The following CCR9 variants were observed in gnomAD, a reference collection of about 807,000 sequenced individuals.
CCR9 encodes C-C motif chemokine receptor 9, also known as C-C chemokine receptor type 9.
A neutral mutation model predicts 8.7 loss-of-function variants in CCR9; 4 were observed. The ratio of observed to expected loss-of-function variants is 0.46; its 90% confidence interval spans 0.23 to 1.06. The LOEUF (loss-of-function observed/expected upper bound fraction) is 1.06. CCR9 is among the 50% of genes least tolerant of loss of function. The pLI, the probability that CCR9 is intolerant of heterozygous loss-of-function variation, is 0.21. For synonymous variants in CCR9, 159 were observed against 168.8 expected, an observed-to-expected ratio of 0.94 and a Z score of 0.45; for missense variants, 394 against 453.6, an observed-to-expected ratio of 0.87 and a Z score of 1.19.
At chr3:45,891,912 T>C (rs1702190947) in intron 1 of CCR9, among the ~76,000 whole-genome samples, 1 of 152,200 alleles carries the variant, frequency 6.6e-6, no homozygotes, top group African/African-American at 2.4e-5. Flanking sequence ...GGAATAAAGA[T>C]GATGTGTCTT....
At chr3:45,887,369 C>T (rs1201484683) in intron 1 of CCR9, among the ~76,000 whole-genome samples, 1 of 151,976 alleles carries the variant, frequency 6.6e-6, no homozygotes, top group African/African-American at 2.4e-5. Flanking sequence ...TTTTTATTTT[C>T]TATATTATGT....
intron 1 of CCR9, among the ~76,000 whole-genome samples, chr3:45,887,251 C>G (rs955220123): frequency 2.1e-3 from 320 of 149,220 alleles, no homozygotes; most frequent in African/African-American, 6.9e-3. Flanking sequence ...GCGTGTGTGT[C>G]TGTGTGTGTG....
intron 2 of CCR9, 112 bp downstream of exon 2, chr3:45,895,066 G>T: frequency 1.7e-6 from 2 of 1,172,102 alleles, no homozygotes; most frequent in South Asian, 1.2e-5. Flanking sequence ...TGGTTTCCCA[G>T]GGTAAGATCT....
chr3:45,886,648 C>T lies in CCR9; in HGVS notation c.-36C>T, dbSNP rs200005452. The T allele has an allele frequency of 1.3e-5, 2 of 152,342 alleles. No homozygotes were observed. The highest frequency in any genetic ancestry group is 2.9e-5 in the Non-Finnish European group (2 of 68,194). The allele number at this position is 152,342 out of a possible 1,614,324, so 9.4% of individuals were successfully genotyped here. On this transcript the variant is annotated 5_prime_UTR_variant, in exon 1 of 3. Transcript: ENST00000357632. The stretch of plus-strand genomic sequence containing the variant: ...GCTGTCCCAGGGAGAGTTGCATCGC[C>T]CTCCACAGTGAGTATTGCTCTTCTT...
At chr3:45,886,824 T>C (rs1469863837) in intron 1 of CCR9, among the ~76,000 whole-genome samples, 169 bp downstream of exon 1, 1 of 152,204 alleles carries the variant, frequency 6.6e-6, no homozygotes, top group East Asian at 1.9e-4. Flanking sequence ...GAATTGGTGA[T>C]GCCCAACCCA....
intron 1 of CCR9, among the ~76,000 whole-genome samples, chr3:45,887,334 A>T (rs965741342): frequency 2.0e-5 from 3 of 152,144 alleles, no homozygotes; most frequent in African/African-American, 7.2e-5. Flanking sequence ...AACAATGGCT[A>T]AACTAGGAAA....
chr3:45,900,931 G>A lies in CCR9; in HGVS notation c.143G>A (p.Ser48Asn), dbSNP rs754006537. Residue 48 changes from serine to asparagine, a missense_variant, in exon 3 of 3, where the codon AGC (serine) becomes AAC (asparagine). By Grantham distance (46) the Ser-to-Asn change is conservative. Coordinates refer to ENST00000357632, the MANE Select transcript of CCR9 (RefSeq NM_031200.3). This position sits in a 1 kb window ranked among gnomAD's most constrained non-coding sequence, Gnocchi z 4.7. ...CEKNNVRQFA[S>N]HFLPPLYWLV... is the part of the protein sequence containing the mutation. ...AAAAACAATGTCAGGCAGTTTGCGA[G>A]CCATTTCCTCCCACCCTTGTACTGG... is the stretch of plus-strand genomic sequence containing the variant. 2 of 1,614,226 alleles carry A rather than the reference G, an allele frequency of 1.2e-6. No homozygotes were observed. Among genetic ancestry groups the A allele is most frequent in the South Asian group, 2.2e-5 (2 of 91,084 alleles).
rs200417769 is a variant in CCR9, at chr3:45,901,761, C to T, written c.973C>T (p.Arg325Cys). 81 of 1,614,016 alleles carry T rather than the reference C, an allele frequency of 5.0e-5. No individual in the cohort carries two copies. The highest frequency in any genetic ancestry group is 1.6e-4 in the Middle Eastern group (1 of 6,084). ...VLYVFVGERF[R>C]RDLVKTLKNL... ...CTATGTTTTTGTGGGTGAGAGATTC[C>T]GCCGGGATCTCGTGAAAACCCTGAA... Residue 325 changes from arginine to cysteine, a missense_variant, in exon 3 of 3, where the codon CGC becomes TGC. Transcript: ENST00000357632. The surrounding 1 kb of genome is among the most constrained non-coding windows in gnomAD (Gnocchi z 4.3).
At position 45,901,003 on chromosome 3, in the gene CCR9, T is replaced by C. The variant is rs1702535257; in HGVS notation, c.215T>C (p.Val72Ala). 1 of 1,614,104 alleles carries C rather than the reference T, an allele frequency of 6.2e-7. No individual in the cohort carries two copies. Among genetic ancestry groups the C allele is most frequent in the African/African-American group, 1.3e-5 (1 of 74,940 alleles). Residue 72 changes from valine (V) to alanine (A), a missense_variant, in exon 3 of 3, where the codon GTC becomes GCC. Transcript: ENST00000357632. This position sits in a 1 kb window ranked among gnomAD's most constrained non-coding sequence, Gnocchi z 4.3. ...GALGNSLVIL[V>A]YWYCTRVKTM... The stretch of plus-strand genomic sequence containing the variant: ...TTGGGCAACAGTCTTGTTATCCTTG[T>C]CTACTGGTACTGCACAAGAGTGAAG...
intron 2 of CCR9, among the ~76,000 whole-genome samples, chr3:45,895,444 C>T (rs1237357655): frequency 1.3e-5 from 2 of 152,230 alleles, no homozygotes; most frequent in Non-Finnish European, 2.9e-5. Flanking sequence ...GGCGTGGTAG[C>T]TCACGCCTGT....
intron 2 of CCR9, among the ~76,000 whole-genome samples, chr3:45,896,494 T>G (rs1702360662): frequency 6.6e-6 from 1 of 152,162 alleles, no homozygotes; most frequent in South Asian, 2.1e-4. Context: ...TGCCCCACAT[T>G]CCCTCAGCGT....
At chr3:45,895,319 G>A (rs1702317903) in intron 2 of CCR9, among the ~76,000 whole-genome samples, 1 of 152,210 alleles carries the variant, frequency 6.6e-6, no homozygotes, top group Admixed American at 6.5e-5. Flanking sequence ...AACCCATGGT[G>A]GGCACATTAG....
At chr3:45,887,855 C>A (rs1702029950) in intron 1 of CCR9, among the ~76,000 whole-genome samples, 1 of 152,184 alleles carries the variant, frequency 6.6e-6, no homozygotes, top group South Asian at 2.1e-4. Context: ...AGAGACCCTG[C>A]CTCGTGTAGG....
Position 45,901,221 on chromosome 3 carries a change from T to A in CCR9, c.433T>A (p.Tyr145Asn), listed in dbSNP as rs1293215344. ...LLIMCISVDR[Y>N]IAIAQAMRAH... ...GATCATGTGCATCAGCGTGGACAGG[T>A]ACATTGCCATTGCCCAGGCCATGAG... is the stretch of plus-strand genomic sequence containing the variant. The change falls in exon 3 of 3, where the codon TAC becomes AAC. Residue 145 changes from tyrosine to asparagine, a missense_variant. Transcript: ENST00000357632. This position sits in a 1 kb window ranked among gnomAD's most constrained non-coding sequence, Gnocchi z 4.3. 6.2e-7 allele frequency: 1 copy of A among 1,614,150 alleles called. No individual in the cohort carries two copies. The highest frequency in any genetic ancestry group is 8.5e-7 in the Non-Finnish European group (1 of 1,179,994).
chr3:45,896,892 A>T (rs1702373785), intron 2 of CCR9, among the ~76,000 whole-genome samples: 1 of 152,200 alleles, frequency 6.6e-6, no homozygotes, highest in Non-Finnish European at 1.5e-5. Context: ...CATTCCCCAG[A>T]GAGGGGCATC....
At chr3:45,890,269 AACATATATATATAT>A (rs1702110736) in intron 1 of CCR9, among the ~76,000 whole-genome samples, 1 of 10,420 alleles carries the variant, frequency 9.6e-5, no homozygotes, top group African/African-American at 4.4e-4. Flanking sequence ...ATATATATAT[AACATATATATATAT>A]TTATATAAAT....
rs1012041744 is a variant in CCR9 at position 45,900,120 on chromosome 3, G to T, written c.22-690G>T. 1.3e-5 allele frequency among the ~76,000 whole-genome samples: 2 copies of T among 152,150 alleles called. No homozygotes were observed. The highest frequency in any genetic ancestry group is 2.4e-5 in the African/African-American group (1 of 41,432). On this transcript the variant is annotated intron_variant, in intron 2 of 2. Coordinates refer to ENST00000357632, the MANE Select transcript of CCR9 (RefSeq NM_031200.3). The surrounding 1 kb of genome is among the most constrained non-coding windows in gnomAD (Gnocchi z 4.7). ...GTGCAACCCACACAGTCACATAGGGGCCCTGTGCTTAGAAGTGCTGCTTGT... is the reference window on the plus strand; with the variant it reads ...GTGCAACCCACACAGTCACATAGGGTCCCTGTGCTTAGAAGTGCTGCTTGT...
In CCR9 at chr3:45,895,093, A is replaced by C. The variant is rs901160169; in HGVS notation, c.21+139A>C. ...GTAAGATCTCTGCCTGGCAATGCGC[A>C]TTGCTGGGTAGGTTGTTGTCCAGCA... On this transcript the variant is annotated intron_variant, in intron 2 of 2. Transcript: ENST00000357632. 5 of 893,942 alleles carry C rather than the reference A, an allele frequency of 5.6e-6. No individual in the cohort carries two copies. The African/African-American group carries it at 8.1e-5, about 15-fold the overall frequency. The allele number at this position is 893,942 out of a possible 1,614,324, so 55.4% of individuals were successfully genotyped here.
intron 2 of CCR9, 39 bp downstream of exon 2, chr3:45,894,993 C>T (rs200492658): frequency 1.7e-5 from 28 of 1,601,970 alleles, no homozygotes; most frequent in Non-Finnish European, 2.2e-5. Context: ...TCAAAACACA[C>T]ACTCATCTTC....
Sources: gnomAD v4.1 joint callset for allele counts (sites outside exome capture counted in the v4.1 genomes callset) on GRCh38, gnomAD v4.1.1 for gene constraint, Gnocchi (gnomAD v3.1) non-coding constraint, MANE v1.5 for transcripts, NCBI Gene and HGNC (gene_info 2026-07-23, HGNC 2026-07-21) for gene names.